ATL1: variants seen among roughly 807,000 people sequenced by gnomAD.
The protein encoded by ATL1 is atlastin GTPase 1.
A neutral mutation model predicts 75.5 loss-of-function variants in ATL1; 31 were observed. The observed-to-expected ratio is 0.41, with a 90% CI of 0.31 to 0.55. The LOEUF is 0.55. Among genes scored for constraint, ATL1 ranks in the 20% least tolerant of loss-of-function variants. The pLI is 0.27. For missense variants in ATL1, 405 were observed against 662.6 expected (o/e 0.61, Z 4.27); for synonymous variants, 226 against 233.3 (o/e 0.97, Z 0.28).
intron 1 of ATL1, among the ~76,000 whole-genome samples, chr14:50,554,323 A>G (rs2038739345): frequency 6.6e-6 from 1 of 152,198 alleles, no homozygotes; most frequent in African/African-American, 2.4e-5. Flanking sequence ...AACAGGCATC[A>G]TAATTGTAGT....
chr14:50,625,550 C>T (rs1328996187), intron 11 of ATL1, among the ~76,000 whole-genome samples: 1 of 152,162 alleles, frequency 6.6e-6, no homozygotes, highest in African/African-American at 2.4e-5. Context: ...GAAGAACAGG[C>T]TGACTTTCTT....
rs1555364369 is a variant in ATL1, at chr14:50,597,229, A to AAAAAAG, written c.630+1601_630+1602insAGAAAA. 5.3e-5 allele frequency among the ~76,000 whole-genome samples: 8 copies of AAAAAAG among 149,940 alleles called. 1 individual carries two copies. The highest frequency in any genetic ancestry group is 2.0e-4 in the Admixed American group (3 of 15,060). Reference sequence around the variant, plus strand: ...GTCTCAAAAAAACAAACAAAAAAAAAAAAAGAAAAAAGAAAAAAGAATAAC... The same window carrying AAAAAAG: ...GTCTCAAAAAAACAAACAAAAAAAAAAAAAAGAAAAGAAAAAAGAAAAAAGAATAAC... On this transcript the variant is annotated intron_variant, in intron 6 of 13. Coordinates refer to ENST00000358385, the MANE Select transcript of ATL1 (RefSeq NM_015915.5).
At chr14:50,590,791 G>T in intron 2 of ATL1, 150 bp from the exon 3 acceptor site, 1 of 755,974 alleles carries the variant, frequency 1.3e-6, no homozygotes. Context: ...TTATTTTTTG[G>T]ATGAATAAAG....
At chr14:50,623,566 C>T (rs944983645) in intron 11 of ATL1, among the ~76,000 whole-genome samples, 4 of 151,654 alleles carry the variant, frequency 2.6e-5, no homozygotes, top group African/African-American at 9.7e-5. Context: ...CTCGCCACTA[C>T]ACCTCCTTAT....
intron 1 of ATL1, among the ~76,000 whole-genome samples, chr14:50,574,933 GTGTGTATATATATATATATATA>G (rs2038988894): frequency 4.3e-5 from 2 of 46,010 alleles, no homozygotes; most frequent in East Asian, 1.1e-3. Flanking sequence ...GTGTGTGTGT[GTGTGTATATATATATATATATA>G]TATATATATA....
In ATL1 at chr14:50,632,674, C is replaced by T. The variant is rs568330782; in HGVS notation, c.*335C>T. On this transcript the variant is annotated 3_prime_UTR_variant, in exon 14 of 14. Transcript: ENST00000358385. Reference sequence around the variant, plus strand: ...TATAATTAAATCATGTGATATTCCACGTTTGGATATGCTCATTTAATTTCT... The same window carrying T: ...TATAATTAAATCATGTGATATTCCATGTTTGGATATGCTCATTTAATTTCT... The T allele has an allele frequency of 7.4e-5, 16 of 217,662 alleles. No homozygotes were observed. Among genetic ancestry groups the T allele is most frequent in the East Asian group, 6.7e-4 (6 of 8,970 alleles). 13.5% of individuals were successfully genotyped at this position (217,662 alleles called of 1,614,324 possible).
intron 9 of ATL1, among the ~76,000 whole-genome samples, chr14:50,621,207 C>T (rs1290449465): frequency 6.6e-6 from 1 of 152,196 alleles, no homozygotes; most frequent in Non-Finnish European, 1.5e-5. Context: ...TTAGATAGCA[C>T]TGAATACTTT....
intron 6 of ATL1, among the ~76,000 whole-genome samples, chr14:50,608,071 T>C (rs1258698636): frequency 1.3e-5 from 2 of 152,148 alleles, no homozygotes; most frequent in African/African-American, 2.4e-5. Flanking sequence ...CTAAGTATAG[T>C]ATAGGTCCAT....
Position 50,626,321 on chromosome 14 carries a change from G to A in ATL1, c.1120-1710G>A, listed in dbSNP as rs1168592069. On this transcript the variant is annotated intron_variant, in intron 11 of 13. Transcript: ENST00000358385. ...TTCACCATTCTGGATGCCATGAAGA[G>A]AATCTGTGGTTTATAGGAGGCAAAA... Among the ~76,000 whole-genome samples the A allele has an allele frequency of 2.0e-5, 3 of 152,316 alleles. No homozygotes were observed. The South Asian group carries it at 6.2e-4, about 32-fold the overall frequency.
chr14:50,628,627 G>A (rs1313952590), intron 12 of ATL1, 165 bp downstream of exon 12: 1 of 748,248 alleles, frequency 1.3e-6, no homozygotes, highest in African/African-American at 1.7e-5. Context: ...ATATAATACT[G>A]TGTAAAATGT....
chr14:50,614,671 C>A (rs2039397969), intron 8 of ATL1, among the ~76,000 whole-genome samples, 160 bp downstream of exon 8: 3 of 152,162 alleles, frequency 2.0e-5, no homozygotes, highest in African/African-American at 4.8e-5. Flanking sequence ...TGGTGCTCCT[C>A]CTTGGTGAAC....
intron 2 of ATL1, among the ~76,000 whole-genome samples, chr14:50,589,625 A>G (rs1353133392): frequency 6.6e-6 from 1 of 152,198 alleles, no homozygotes; most frequent in Non-Finnish European, 1.5e-5. Context: ...TAAGTATAAT[A>G]TATGTATTAA....
At chr14:50,632,180 ATC>A (rs774469425) in intron 13 of ATL1, 47 bp from the exon 14 acceptor site, 9 of 1,378,412 alleles carry the variant, frequency 6.5e-6, no homozygotes, top group Middle Eastern at 1.8e-4. Flanking sequence ...AAAATTTTAC[ATC>A]TGTGTGTTTA....
chr14:50,579,185 AGG>A (rs1163064363), intron 1 of ATL1, among the ~76,000 whole-genome samples: 1 of 152,186 alleles, frequency 6.6e-6, no homozygotes, highest in Non-Finnish European at 1.5e-5. Flanking sequence ...GTGAGAGCTA[AGG>A]ATGATGGCTC....
chr14:50,607,107 T>G (rs565048249), intron 6 of ATL1, among the ~76,000 whole-genome samples: 1 of 152,060 alleles, frequency 6.6e-6, no homozygotes, highest in East Asian at 1.9e-4. Context: ...TGAGACAGAT[T>G]CACCTGGAAG....
intron 1 of ATL1, among the ~76,000 whole-genome samples, chr14:50,554,189 A>G (rs1359691060): frequency 2.0e-5 from 3 of 152,186 alleles, no homozygotes; most frequent in African/African-American, 7.2e-5. Flanking sequence ...GATGAAGAGA[A>G]CAGTGTCACA....
At chr14:50,589,234 A>C (rs1289191098) in intron 2 of ATL1, among the ~76,000 whole-genome samples, 3 of 139,496 alleles carry the variant, frequency 2.2e-5, no homozygotes, top group Non-Finnish European at 4.5e-5. Context: ...ATCTTGGTTC[A>C]CTGCAACCTC....
intron 1 of ATL1, among the ~76,000 whole-genome samples, chr14:50,565,552 T>C (rs1014130080): frequency 6.6e-6 from 1 of 152,146 alleles, no homozygotes. Context: ...AGACATGTAC[T>C]GTAGATTTTC....
chr14:50,597,442 T>C (rs973532096), intron 6 of ATL1, among the ~76,000 whole-genome samples: 2 of 151,958 alleles, frequency 1.3e-5, no homozygotes, highest in Non-Finnish European at 2.9e-5. Context: ...TATAAACACG[T>C]GTGATAAAAC....
Sources: gnomAD v4.1 joint callset for allele counts (sites outside exome capture counted in the v4.1 genomes callset) on GRCh38, gnomAD v4.1.1 for gene constraint, MANE v1.5 for transcripts, NCBI Gene and HGNC (gene_info 2026-07-23, HGNC 2026-07-21) for gene names.